Variants in SLC24A2 observed in about 807,000 individuals in gnomAD.
The protein encoded by SLC24A2 is solute carrier family 24 member 2.
Under a neutral mutation model 62.0 loss-of-function variants are expected in SLC24A2, and 36 were observed. The ratio of observed to expected loss-of-function variants is 0.58; its 90% confidence interval spans 0.44 to 0.77. The LOEUF (loss-of-function observed/expected upper bound fraction) is 0.77, where lower values mean the gene tolerates loss of function less well. Ranked by LOEUF, SLC24A2 falls within the 30% of genes least tolerant of loss-of-function variation. The pLI is 0.00. For synonymous variants in SLC24A2, 358 were observed against 294.0 expected, an observed-to-expected ratio of 1.22 and a Z score of -2.23; for missense variants, 846 against 817.9, an observed-to-expected ratio of 1.03 and a Z score of -0.42.
the SLC24A2 span, among the ~76,000 whole-genome samples, chr9:20,303,882 G>C: frequency 3.9e-5 from 6 of 152,152 alleles, no homozygotes; most frequent in Non-Finnish European, 1.5e-5. Flanking sequence ...GGGGCTCTCA[G>C]CTCAGTGGGT....
intron 7 of SLC24A2, among the ~76,000 whole-genome samples, chr9:19,567,125 T>C (rs544430948): frequency 1.8e-4 from 25 of 137,312 alleles, no homozygotes; most frequent in African/African-American, 6.7e-4. Context: ...AATATATATA[T>C]AAAAGAACTT....
chr9:19,644,135 T>A (rs1818578068), intron 2 of SLC24A2, among the ~76,000 whole-genome samples: 1 of 152,190 alleles, frequency 6.6e-6, no homozygotes, highest in Non-Finnish European at 1.5e-5. Context: ...AGGAAAAGAT[T>A]TACATGTTGA....
At chr9:19,568,445 A>G (rs1230700698) in intron 7 of SLC24A2, among the ~76,000 whole-genome samples, 1 of 152,240 alleles carries the variant, frequency 6.6e-6, no homozygotes. Flanking sequence ...CATCTGGGCT[A>G]TTCAATAGCC....
At chr9:19,841,657 T>A in the SLC24A2 span, among the ~76,000 whole-genome samples, 1 of 152,352 alleles carries the variant, frequency 6.6e-6, no homozygotes, top group African/African-American at 2.4e-5. Flanking sequence ...TGAAGCTTTG[T>A]CAAGTGAGGA....
chr9:19,597,177 G>T, intron 5 of SLC24A2, 52 bp downstream of exon 5: 1 of 1,180,478 alleles, frequency 8.5e-7, no homozygotes, highest in Non-Finnish European at 1.3e-6. Context: ...GCAAGCAACA[G>T]ACACCATAAA....
At chr9:20,234,981 C>A in the SLC24A2 span, among the ~76,000 whole-genome samples, 2 of 152,184 alleles carry the variant, frequency 1.3e-5, no homozygotes, top group Non-Finnish European at 2.9e-5. Context: ...TGGAGTTTGC[C>A]AGAGATCCAC....
At chr9:20,106,013 A>G in the SLC24A2 span, among the ~76,000 whole-genome samples, 7 of 152,184 alleles carry the variant, frequency 4.6e-5, no homozygotes, top group Non-Finnish European at 7.4e-5. Context: ...TGATAAAGGG[A>G]ATATCACCAC....
chr9:19,870,411 T>C, the SLC24A2 span, among the ~76,000 whole-genome samples: 4 of 152,216 alleles, frequency 2.6e-5, no homozygotes, highest in Non-Finnish European at 4.4e-5. Flanking sequence ...ATCTTGTTTA[T>C]TGATTCATTT....
chr9:20,105,201 G>A, the SLC24A2 span, among the ~76,000 whole-genome samples: 8 of 152,146 alleles, frequency 5.3e-5, no homozygotes, highest in Non-Finnish European at 7.3e-5. Flanking sequence ...CATAAAGCAA[G>A]TCCTGAGTTA....
chr9:20,054,777 T>C, the SLC24A2 span, among the ~76,000 whole-genome samples: 19 of 152,208 alleles, frequency 1.2e-4, no homozygotes, highest in Admixed American at 1.2e-3. Context: ...AATACAACTC[T>C]AACATGGTGA....
chr9:20,197,679 ACCTTGG>A, the SLC24A2 span, among the ~76,000 whole-genome samples: 1 of 151,874 alleles, frequency 6.6e-6, no homozygotes, highest in Non-Finnish European at 1.5e-5. Flanking sequence ...TGATCTGCCC[ACCTTGG>A]CCTCCCAAAG....
intron 8 of SLC24A2, 102 bp downstream of exon 8, chr9:19,550,035 G>GTGT (rs1834767076): frequency 1.7e-6 from 2 of 1,176,620 alleles, no homozygotes; most frequent in Non-Finnish European, 1.3e-6. Flanking sequence ...TTTGATACAA[G>GTGT]TGTACTTCCT....
At chr9:20,079,195 G>A in the SLC24A2 span, among the ~76,000 whole-genome samples, 3 of 152,180 alleles carry the variant, frequency 2.0e-5, no homozygotes, top group African/African-American at 7.2e-5. Context: ...GAAGAGGCAA[G>A]GAGGGATGAG....
At chr9:19,849,899 G>C in the SLC24A2 span, among the ~76,000 whole-genome samples, 5 of 152,160 alleles carry the variant, frequency 3.3e-5, no homozygotes, top group Non-Finnish European at 7.3e-5. Flanking sequence ...AATGGTCGTT[G>C]TGAAATAAAA....
chr9:20,120,931 G>GTA, the SLC24A2 span, among the ~76,000 whole-genome samples: 209 of 149,402 alleles, frequency 1.4e-3, 1 homozygote, highest in Admixed American at 3.7e-3. Context: ...TCAATTGATT[G>GTA]TATATATATA....
the SLC24A2 span, among the ~76,000 whole-genome samples, chr9:19,886,365 CT>C: frequency 2.0e-5 from 3 of 150,930 alleles, no homozygotes; most frequent in African/African-American, 7.3e-5. Context: ...TTTTTATAGG[CT>C]TATTGGCTGT....
At chr9:20,044,466 C>T in the SLC24A2 span, among the ~76,000 whole-genome samples, 1 of 152,144 alleles carries the variant, frequency 6.6e-6, no homozygotes, top group Non-Finnish European at 1.5e-5. Flanking sequence ...TTTAGTTTCA[C>T]TTAACATTGG....
At chr9:19,975,371 T>C in the SLC24A2 span, among the ~76,000 whole-genome samples, 1 of 152,230 alleles carries the variant, frequency 6.6e-6, no homozygotes, top group South Asian at 2.1e-4. Context: ...TGAACTCTGC[T>C]ACATGAATTC....
At chr9:20,044,874 AGAGT>A in the SLC24A2 span, among the ~76,000 whole-genome samples, 2 of 152,156 alleles carry the variant, frequency 1.3e-5, no homozygotes, top group African/African-American at 4.8e-5. Flanking sequence ...GGTTGTTTTT[AGAGT>A]GACTCAGCAC....
Sources: gnomAD v4.1 joint callset for allele counts (sites outside exome capture counted in the v4.1 genomes callset) on GRCh38, gnomAD v4.1.1 for gene constraint, MANE v1.5 for transcripts, NCBI Gene and HGNC (gene_info 2026-07-23, HGNC 2026-07-21) for gene names.